The following PTPRD variants were observed in gnomAD, a reference collection of about 807,000 sequenced individuals.
PTPRD encodes the protein receptor-type tyrosine-protein phosphatase delta.
PTPRD carries 34 observed loss-of-function variants against 214.5 expected under a neutral mutation model. That is an observed-to-expected ratio of 0.16 (90% confidence interval 0.12 to 0.21). The LOEUF is 0.21. Ranked by LOEUF, PTPRD falls within the 10% of genes least tolerant of loss-of-function variation. PTPRD has a pLI of 1.00. For synonymous variants in PTPRD, 1,128 were observed against 845.7 expected (o/e 1.33, Z -5.79); for missense variants, 2,545 against 2,398.7 (o/e 1.06, Z -1.27).
chr9:8,921,786 A>T (rs1017548046), intron 11 of PTPRD, among the ~76,000 whole-genome samples: 3 of 152,124 alleles, frequency 2.0e-5, no homozygotes, highest in Admixed American at 2.0e-4. Context: ...GAGCCACCAC[A>T]GCTAGCCTCC....
At chr9:8,595,691 A>C (rs2094441215) in intron 14 of PTPRD, among the ~76,000 whole-genome samples, 1 of 152,212 alleles carries the variant, frequency 6.6e-6, no homozygotes, top group Non-Finnish European at 1.5e-5. Flanking sequence ...AATTCAATAA[A>C]CACTCTTCTT....
At chr9:8,449,635 A>G in intron 34 of PTPRD, 90 bp downstream of exon 34, 1 of 1,184,690 alleles carries the variant, frequency 8.4e-7, no homozygotes, top group Non-Finnish European at 1.2e-6. Context: ...ATGGCTCAAA[A>G]TAAAGTGATA....
chr9:9,146,357 A>G (rs185858720), intron 10 of PTPRD, among the ~76,000 whole-genome samples: 275 of 152,234 alleles, frequency 1.8e-3, no homozygotes, highest in Middle Eastern at 6.8e-3. Flanking sequence ...ATATGTCAAA[A>G]TTTACATAGG....
chr9:10,059,288 G>C (rs957443143), intron 3 of PTPRD, among the ~76,000 whole-genome samples: 1 of 152,054 alleles, frequency 6.6e-6, no homozygotes, highest in Non-Finnish European at 1.5e-5. Context: ...TCCATGTTGC[G>C]CAATACTCAT....
At chr9:10,384,356 TTA>T (rs2097875644) in intron 2 of PTPRD, among the ~76,000 whole-genome samples, 1 of 151,736 alleles carries the variant, frequency 6.6e-6, no homozygotes, top group Admixed American at 6.6e-5. Flanking sequence ...GTGGTAGGTA[TTA>T]GTCTCTATAC....
chr9:9,338,930 T>C (rs1407574461), intron 9 of PTPRD, among the ~76,000 whole-genome samples: 1 of 152,068 alleles, frequency 6.6e-6, no homozygotes, highest in Non-Finnish European at 1.5e-5. Flanking sequence ...AAACTTTCTA[T>C]CAAAGAGTGG....
At chr9:9,637,767 C>A (rs963571831) in intron 7 of PTPRD, among the ~76,000 whole-genome samples, 13 of 152,160 alleles carry the variant, frequency 8.5e-5, no homozygotes, top group African/African-American at 3.1e-4. Context: ...TCTGTGGTAG[C>A]CCAGATCCCA....
rs114075638 is a variant in PTPRD at position 10,451,825 on chromosome 9, G to C, written c.-599-110808C>G. Among the ~76,000 whole-genome samples the C allele has an allele frequency of 1.3e-3, 201 of 151,944 alleles. 2 individuals carry two copies. Among genetic ancestry groups the C allele is most frequent in the African/African-American group, 4.6e-3 (190 of 41,512 alleles). On this transcript the variant is annotated intron_variant, in intron 2 of 45. Transcript: ENST00000381196. ...TTCTTAGCTCCTTCTAAAACTATCT[G>C]AACAAAATGAGACAACACTAAACCT...
intron 6 of PTPRD, among the ~76,000 whole-genome samples, chr9:9,742,726 C>T (rs1014703694): frequency 6.6e-6 from 1 of 152,084 alleles, no homozygotes; most frequent in African/African-American, 2.4e-5. Context: ...ATACCTAGAC[C>T]TTAGTGTTTC....
intron 7 of PTPRD, among the ~76,000 whole-genome samples, chr9:9,620,801 A>G (rs2095197112): frequency 6.6e-6 from 1 of 152,070 alleles, no homozygotes; most frequent in African/African-American, 2.4e-5. Context: ...ATCGTCAGCT[A>G]CATCAGCAGT....
intron 3 of PTPRD, among the ~76,000 whole-genome samples, chr9:10,285,649 C>T (rs1018378629): frequency 2.3e-5 from 3 of 131,886 alleles, no homozygotes; most frequent in South Asian, 2.5e-4. Context: ...CTCGCTCTGT[C>T]GCCCAGGCTG....
intron 12 of PTPRD, among the ~76,000 whole-genome samples, chr9:8,661,472 T>A (rs1294321901): frequency 2.0e-5 from 3 of 152,106 alleles, no homozygotes; most frequent in Non-Finnish European, 4.4e-5. Flanking sequence ...AAAGGGAAAT[T>A]TTAATGTCTA....
chr9:9,149,976 A>G (rs2099875253), intron 10 of PTPRD, among the ~76,000 whole-genome samples: 1 of 152,210 alleles, frequency 6.6e-6, no homozygotes, highest in African/African-American at 2.4e-5. Flanking sequence ...TCCAGTATAC[A>G]TGAAGACCCA....
intron 2 of PTPRD, among the ~76,000 whole-genome samples, chr9:10,579,428 G>A (rs980573483): frequency 2.0e-5 from 3 of 152,212 alleles, no homozygotes; most frequent in South Asian, 2.1e-4. Flanking sequence ...CACCCATGTT[G>A]CTGCAAAGAA....
At chr9:10,203,285 T>C (rs1055658986) in intron 3 of PTPRD, among the ~76,000 whole-genome samples, 5 of 151,888 alleles carry the variant, frequency 3.3e-5, no homozygotes, top group South Asian at 4.1e-4. Flanking sequence ...CAATAAATCA[T>C]TGGTGTATAA....
At chr9:9,180,038 A>AT (rs2099927268) in intron 10 of PTPRD, among the ~76,000 whole-genome samples, 1 of 152,070 alleles carries the variant, frequency 6.6e-6, no homozygotes, top group East Asian at 1.9e-4. Context: ...AAAGTTAAGT[A>AT]TTTTGTGTTA....
chr9:9,520,813 C>G (rs1002325644), intron 8 of PTPRD, among the ~76,000 whole-genome samples: 1 of 152,092 alleles, frequency 6.6e-6, no homozygotes, highest in African/African-American at 2.4e-5. Context: ...GTCTACGAGT[C>G]GTAGAATCAA....
chr9:10,264,048 C>T (rs2154377786), intron 3 of PTPRD, among the ~76,000 whole-genome samples: 1 of 152,228 alleles, frequency 6.6e-6, no homozygotes, highest in Non-Finnish European at 1.5e-5. Context: ...GCACAGAAGT[C>T]AAGAATTGAG....
intron 36 of PTPRD, among the ~76,000 whole-genome samples, chr9:8,397,092 A>G (rs1305905596): frequency 2.6e-5 from 4 of 152,180 alleles, no homozygotes; most frequent in African/African-American, 7.2e-5. Context: ...AATGAACTCA[A>G]CAAATAATTG....
Sources: allele counts gnomAD v4.1 joint callset (sites outside exome capture counted in the v4.1 genomes callset), GRCh38; gene constraint gnomAD v4.1.1; transcripts MANE v1.5; gene names NCBI Gene and HGNC (gene_info 2026-07-23, HGNC 2026-07-21).